Variants in AKNA observed in about 807,000 individuals in gnomAD.
The protein encoded by AKNA is microtubule organization protein AKNA.
In AKNA, 67 loss-of-function variants were observed where a neutral mutation model predicts 138.8. The ratio of observed to expected loss-of-function variants is 0.48; its 90% confidence interval spans 0.40 to 0.59. AKNA has a LOEUF of 0.59. Ranked by LOEUF, AKNA falls within the 20% of genes least tolerant of loss-of-function variation. AKNA has a pLI of 0.00. For missense variants in AKNA, 1,813 were observed against 1,880.4 expected, an observed-to-expected ratio of 0.96 and a Z score of 0.66; for synonymous variants, 737 against 754.4, an observed-to-expected ratio of 0.98 and a Z score of 0.38.
At chr9:114,377,875 C>T (rs112249959) in intron 2 of AKNA, among the ~76,000 whole-genome samples, 4,964 of 152,262 alleles carry the variant, frequency 0.033, 272 homozygotes, top group African/African-American at 0.11. Context: ...CATTCTGTCA[C>T]TTGGTCCTGT....
At chr9:114,341,311 G>C (rs1349021459) in intron 21 of AKNA, among the ~76,000 whole-genome samples, 1 of 152,122 alleles carries the variant, frequency 6.6e-6, no homozygotes, top group Admixed American at 6.5e-5. Context: ...TGGGTCCCAG[G>C]GCCGAGCACT....
At position 114,382,817 on chromosome 9, in the gene AKNA, G is replaced by C. The variant is rs1022528275; in HGVS notation, c.-113-1371C>G. Reference sequence around the variant, plus strand: ...TGAAAGCAGGCTGGTATTTGCCAGGGGCTGGGGGAGAGGAGAGCGGGCACT... The same window carrying C: ...TGAAAGCAGGCTGGTATTTGCCAGGCGCTGGGGGAGAGGAGAGCGGGCACT... On this transcript the variant is annotated intron_variant, in intron 1 of 21. Coordinates refer to ENST00000374088, the MANE Select transcript of AKNA (RefSeq NM_001317950.2). Among the ~76,000 whole-genome samples, 4 of 152,096 alleles carry C rather than the reference G, an allele frequency of 2.6e-5. No homozygotes were observed. The East Asian group carries it at 5.8e-4, about 22-fold the overall frequency.
intron 14 of AKNA, among the ~76,000 whole-genome samples, chr9:114,354,712 C>CAA (rs1214629422): frequency 0.084 from 5,547 of 66,152 alleles, 458 homozygotes; most frequent in African/African-American, 0.21. Context: ...GACTCTGTCT[C>CAA]AAAAAAAAAA....
chr9:114,376,935 T>C lies in AKNA; in HGVS notation c.872A>G (p.Gln291Arg). Reference protein sequence around the residue: ...RRETTRFFCPQPKEHIWKQTK... With the variant: ...RRETTRFFCPRPKEHIWKQTK... ...CTGCTTCCAGATGTGTTCCTTGGGCTGAGGGCAGAAGAATCTGGTCGTTTC... is the reference window on the plus strand; with the variant it reads ...CTGCTTCCAGATGTGTTCCTTGGGCCGAGGGCAGAAGAATCTGGTCGTTTC... Residue 291 changes from glutamine (Q) to arginine (R), a missense_variant, in exon 3 of 22, where the codon CAG becomes CGG. Gln to Arg is a conservative substitution (Grantham distance 43, BLOSUM62 1). Transcript: ENST00000374088. 2 of 1,614,242 alleles carry C rather than the reference T, an allele frequency of 1.2e-6. No individual in the cohort carries two copies. Among genetic ancestry groups the C allele is most frequent in the Non-Finnish European group, 1.7e-6 (2 of 1,180,034 alleles).
In AKNA at chr9:114,378,430, T is replaced by C. The variant is rs59241217; in HGVS notation, c.275-898A>G. On this transcript the variant is annotated intron_variant, in intron 2 of 21. Coordinates refer to ENST00000374088, the MANE Select transcript of AKNA (RefSeq NM_001317950.2). ...TCCATTTATTTGTGCAGTTGTTTCA[T>C]TGACATTTGTCTCGCCCACTACACT... Among the ~76,000 whole-genome samples, 888 of 152,360 alleles carry C rather than the reference T, an allele frequency of 5.8e-3. 8 individuals are homozygous for C. Among genetic ancestry groups the C allele is most frequent in the African/African-American group, 0.019 (800 of 41,574 alleles).
chr9:114,337,042 C>A lies in AKNA; in HGVS notation c.*12G>T, dbSNP rs745888184. 76 of 952,438 alleles carry A rather than the reference C, an allele frequency of 8.0e-5. 1 individual carries two copies. The highest frequency in any genetic ancestry group is 6.0e-5 in the African/African-American group (3 of 50,008). The allele number at this position is 952,438 out of a possible 1,614,324, so 59.0% of individuals were successfully genotyped here. On this transcript the variant is annotated 3_prime_UTR_variant, in exon 22 of 22. Coordinates refer to ENST00000374088, the MANE Select transcript of AKNA (RefSeq NM_001317950.2). Reference sequence around the variant, plus strand: ...ACCCACCCACCCATCTGCCTCTGGGCCCCCAGTGAAGTCAGAAGAGGCAGG... The same window carrying A: ...ACCCACCCACCCATCTGCCTCTGGGACCCCAGTGAAGTCAGAAGAGGCAGG...
intron 6 of AKNA, 114 bp from the exon 7 acceptor site, chr9:114,364,733 G>C: frequency 9.0e-7 from 1 of 1,105,376 alleles, no homozygotes; most frequent in Non-Finnish European, 1.4e-6. Flanking sequence ...CAGGATGTGG[G>C]GTTTCTGCCA....
rs1303560990 is a variant in AKNA at position 114,342,117 on chromosome 9, C to T, written c.3766G>A (p.Val1256Ile). 1 of 1,596,442 alleles carries T rather than the reference C, an allele frequency of 6.3e-7. No individual in the cohort carries two copies. Among genetic ancestry groups the T allele is most frequent in the Non-Finnish European group, 8.5e-7 (1 of 1,172,576 alleles). ...PIRTQDAGGA[V>I]TGDPLGPPPA... is the part of the protein sequence containing the mutation. ...GGCGGTCCCAGTGGGTCCCCTGTGA[C>T]AGCACCACCTAGAAGAGGAGGAAGA... The change falls in exon 20 of 22, where the codon GTC (valine) becomes ATC (isoleucine). Residue 1256 changes from valine (V) to isoleucine (I), a missense_variant. Coordinates refer to ENST00000374088, the MANE Select transcript of AKNA (RefSeq NM_001317950.2).
chr9:114,381,305 C>G lies in AKNA; in HGVS notation c.29G>C (p.Trp10Ser), dbSNP rs1171232776. ...GCCCTTCCCCAGGCCAGGCTCAGCCCAGCGGATCTCAGTCTCCGAGCTGGC... is the reference window on the plus strand; with the variant it reads ...GCCCTTCCCCAGGCCAGGCTCAGCCGAGCGGATCTCAGTCTCCGAGCTGGC... MASSETEIR[W>S]AEPGLGKGPQ... Residue 10 changes from tryptophan to serine, a missense_variant, in exon 2 of 22, where the codon TGG (tryptophan) becomes TCG (serine). Transcript: ENST00000374088. 1 of 1,604,972 alleles carries G rather than the reference C, an allele frequency of 6.2e-7. No homozygotes were observed. Among genetic ancestry groups the G allele is most frequent in the East Asian group, 2.2e-5 (1 of 44,632 alleles).
intron 5 of AKNA, chr9:114,368,223 G>GGCA: frequency 2.3e-6 from 1 of 439,968 alleles, no homozygotes; most frequent in Non-Finnish European, 3.8e-6. Context: ...GATGCCAAGT[G>GGCA]GCAGGGCCAG....
chr9:114,386,212 G>A (rs1054544555), intron 1 of AKNA, among the ~76,000 whole-genome samples: 2 of 152,206 alleles, frequency 1.3e-5, no homozygotes, highest in African/African-American at 4.8e-5. Flanking sequence ...CTATATACCA[G>A]GCGCTACGTA....
At position 114,381,428 on chromosome 9, in the gene AKNA, C is replaced by G; in HGVS notation, c.-95G>C. 2 of 1,438,522 alleles carry G rather than the reference C, an allele frequency of 1.4e-6. No individual in the cohort carries two copies. The highest frequency in any genetic ancestry group is 1.8e-6 in the Non-Finnish European group (2 of 1,100,100). 89.1% of individuals were successfully genotyped at this position (1,438,522 alleles called of 1,614,324 possible). A position where few individuals can be genotyped will look rare whatever the true frequency, so the allele number is the denominator to read the frequency against. On this transcript the variant is annotated 5_prime_UTR_variant, in exon 2 of 22. Transcript: ENST00000374088. ...AGTCACCGCTGGTTCCTGTCAGCAT[C>G]GGCCATCCTGCCTGTGCCCTGTCAG...
intron 14 of AKNA, 135 bp downstream of exon 14, chr9:114,355,790 G>T: frequency 7.4e-6 from 7 of 939,784 alleles, no homozygotes; most frequent in Non-Finnish European, 1.1e-5. Context: ...GTTCCCTTTT[G>T]TCCACGTTAT....
At chr9:114,346,492 T>G (rs1283520490) in intron 17 of AKNA, among the ~76,000 whole-genome samples, 177 bp downstream of exon 17, 2 of 152,240 alleles carry the variant, frequency 1.3e-5, no homozygotes, top group Non-Finnish European at 2.9e-5. Context: ...CTACACGCAG[T>G]AGGTGTGCAG....
At chr9:114,352,113 G>C (rs1484847656) in intron 14 of AKNA, among the ~76,000 whole-genome samples, 1 of 152,134 alleles carries the variant, frequency 6.6e-6, no homozygotes, top group Non-Finnish European at 1.5e-5. Flanking sequence ...CCTATGAAAG[G>C]GTAGCATGAG....
chr9:114,346,831 G>A (rs1429229837), intron 16 of AKNA, 47 bp from the exon 17 acceptor site: 7 of 1,497,248 alleles, frequency 4.7e-6, no homozygotes, highest in Non-Finnish European at 6.5e-6. Context: ...GGTTTTGTGT[G>A]GCCTTTAAAG....
At position 114,377,430 on chromosome 9, in the gene AKNA, T is replaced by C. The variant is rs762177161; in HGVS notation, c.377A>G (p.Asp126Gly). 25 of 1,613,622 alleles carry C rather than the reference T, an allele frequency of 1.5e-5. No individual in the cohort carries two copies. Among genetic ancestry groups the C allele is most frequent in the Non-Finnish European group, 1.9e-5 (23 of 1,179,998 alleles). Residue 126 changes from aspartate to glycine, a missense_variant, in exon 3 of 22, where the codon GAT (aspartate) becomes GGT (glycine). Transcript: ENST00000374088. ...AACCTCCAGACTTCCGAGGGTCCCA[T>C]CTGGCTCCTCTTCAGTCATGTCCAG... ...RQLDMTEEEPDGTLGSLEVEE... is the reference protein window; with the variant it reads ...RQLDMTEEEPGGTLGSLEVEE...
intron 15 of AKNA, among the ~76,000 whole-genome samples, chr9:114,348,389 C>T (rs892089900): frequency 2.6e-5 from 4 of 152,192 alleles, no homozygotes; most frequent in East Asian, 1.9e-4. Context: ...AAGAAAGAAG[C>T]GGGCTTCCTG....
Position 114,358,085 on chromosome 9 carries a change from C to T in AKNA, c.2575G>A (p.Gly859Ser), listed in dbSNP as rs758290157. 35 of 1,613,960 alleles carry T rather than the reference C, an allele frequency of 2.2e-5. No individual in the cohort carries two copies. Among genetic ancestry groups the T allele is most frequent in the Admixed American group, 1.8e-4 (11 of 59,996 alleles). Residue 859 changes from glycine (G) to serine (S), a missense_variant, in exon 12 of 22, where the codon GGC becomes AGC. Gly to Ser is a moderately conservative substitution (Grantham distance 56, BLOSUM62 0). Coordinates refer to ENST00000374088, the MANE Select transcript of AKNA (RefSeq NM_001317950.2). ...LARDGHMSGL[G>S]KAEAAPPGPG... Reference sequence around the variant, plus strand: ...CCTGGAGGGGCTGCCTCAGCCTTGCCCAGGCCTGACATGTGCCCGTCTCTA... The same window carrying T: ...CCTGGAGGGGCTGCCTCAGCCTTGCTCAGGCCTGACATGTGCCCGTCTCTA...
Sources: allele counts gnomAD v4.1 joint callset (sites outside exome capture counted in the v4.1 genomes callset), GRCh38; gene constraint gnomAD v4.1.1; transcripts MANE v1.5; gene names NCBI Gene and HGNC (gene_info 2026-07-23, HGNC 2026-07-21).